GRIA1: variants seen among roughly 807,000 people sequenced by gnomAD.
GRIA1 encodes the protein glutamate receptor 1.
GRIA1 carries 31 observed loss-of-function variants against 99.2 expected under a neutral mutation model. The observed-to-expected ratio is 0.31, with a 90% CI of 0.23 to 0.42. The LOEUF is 0.42. GRIA1 is among the 10% of genes least tolerant of loss of function. GRIA1 has a pLI of 1.00. For missense variants in GRIA1, 782 were observed against 1,157.5 expected (o/e 0.68, Z 4.71); for synonymous variants, 438 against 432.4 (o/e 1.01, Z -0.16).
Position 153,711,874 on chromosome 5 carries a change from C to T in GRIA1, c.1823+5807C>T, listed in dbSNP as rs1025787406. Among the ~76,000 whole-genome samples the T allele has an allele frequency of 3.9e-5, 6 of 152,268 alleles. No individual in the cohort carries two copies. In the South Asian group the frequency reaches 1.0e-3, roughly 26 times the overall value. On this transcript the variant is annotated intron_variant, in intron 11 of 15. Coordinates refer to ENST00000285900, the MANE Select transcript of GRIA1 (RefSeq NM_000827.4). ...GGAAAATGGGAAATTATGACTTTAG[C>T]TTTCAGAATTCTCTCTTTTATTCTT...
chr5:153,618,136 A>G (rs1766692425), intron 2 of GRIA1, among the ~76,000 whole-genome samples: 1 of 152,206 alleles, frequency 6.6e-6, no homozygotes, highest in Non-Finnish European at 1.5e-5. Flanking sequence ...GAAGGTGGAA[A>G]TGGATGGGCT....
chr5:153,748,781 G>A (rs958399087), intron 11 of GRIA1, among the ~76,000 whole-genome samples: 24 of 152,138 alleles, frequency 1.6e-4, no homozygotes, highest in African/African-American at 5.3e-4. Flanking sequence ...TTCCTGAGAT[G>A]AGGAAAATGG....
At chr5:153,731,624 A>G (rs1761032770) in intron 11 of GRIA1, among the ~76,000 whole-genome samples, 1 of 152,138 alleles carries the variant, frequency 6.6e-6, no homozygotes, top group East Asian at 1.9e-4. Flanking sequence ...ACAAATAAAA[A>G]TTATATATAT....
At position 153,741,292 on chromosome 5, in the gene GRIA1, A is replaced by G. The variant is rs1761768038; in HGVS notation, c.1824-23142A>G. Among the ~76,000 whole-genome samples the G allele has an allele frequency of 2.6e-5, 4 of 152,146 alleles. No individual in the cohort carries two copies. The South Asian group carries it at 8.3e-4, about 32-fold the overall frequency. ...CCCGGCCAGAAATTAGAATTCTTAT[A>G]CACTGTGAGTGAGAATGAAAAATGG... On this transcript the variant is annotated intron_variant, in intron 11 of 15. Transcript: ENST00000285900.
intron 5 of GRIA1, among the ~76,000 whole-genome samples, chr5:153,668,135 A>T (rs1288170801): frequency 6.6e-6 from 1 of 151,716 alleles, no homozygotes; most frequent in African/African-American, 2.4e-5. Flanking sequence ...GAACAATATG[A>T]GGGGTTTGTT....
intron 14 of GRIA1, chr5:153,795,425 C>A: frequency 1.0e-6 from 1 of 970,994 alleles, no homozygotes; most frequent in Non-Finnish European, 1.6e-6. Context: ...TGCTGAATAA[C>A]ATAAAATAAC....
intron 2 of GRIA1, among the ~76,000 whole-genome samples, chr5:153,637,468 A>G (rs183314340): frequency 1.8e-4 from 28 of 152,328 alleles, no homozygotes; most frequent in Non-Finnish European, 3.4e-4. Flanking sequence ...ATACACGTTG[A>G]GTCACTCTAT....
intron 12 of GRIA1, 87 bp downstream of exon 12, chr5:153,764,719 T>G: frequency 1.0e-6 from 1 of 962,458 alleles, no homozygotes; most frequent in Non-Finnish European, 1.6e-6. Context: ...TAGCCTGAGA[T>G]AACAGGCAGC....
chr5:153,694,017 T>A (rs13188509), intron 8 of GRIA1, among the ~76,000 whole-genome samples: 14,302 of 152,244 alleles, frequency 0.094, 823 homozygotes, highest in Non-Finnish European at 0.12. Context: ...TGGCAATATT[T>A]TGTTTTATCT....
At chr5:153,766,939 C>A (rs1763557902) in intron 12 of GRIA1, among the ~76,000 whole-genome samples, 1 of 152,164 alleles carries the variant, frequency 6.6e-6, no homozygotes. Flanking sequence ...AAGTTCTGTG[C>A]CCAGGCCTAC....
chr5:153,757,985 A>G (rs1278628242), intron 11 of GRIA1, among the ~76,000 whole-genome samples: 3 of 152,136 alleles, frequency 2.0e-5, no homozygotes, highest in African/African-American at 7.2e-5. Context: ...AAAAATAACA[A>G]TAACTACAAT....
chr5:153,698,273 C>A (rs1281646553), intron 9 of GRIA1, 119 bp downstream of exon 9: 2 of 538,348 alleles, frequency 3.7e-6, no homozygotes, highest in Admixed American at 3.1e-5. Flanking sequence ...TAGATAAAAG[C>A]AGCAAGTCGA....
In GRIA1 at chr5:153,647,138, A is replaced by G; in HGVS notation, c.431A>G (p.Lys144Arg). ...ISIIDHYKWQ[K>R]FVYIYDADRG... ...ATCATTGACCATTACAAGTGGCAGA[A>G]ATTTGTCTACATTTATGATGCCGAC... The change falls in exon 3 of 16, where the codon AAA becomes AGA. Residue 144 changes from lysine (K) to arginine (R), a missense_variant. Coordinates refer to ENST00000285900, the MANE Select transcript of GRIA1 (RefSeq NM_000827.4). 1 of 1,613,870 alleles carries G rather than the reference A, an allele frequency of 6.2e-7. No individual in the cohort carries two copies. The highest frequency in any genetic ancestry group is 8.5e-7 in the Non-Finnish European group (1 of 1,179,878).
At chr5:153,590,632 G>C (rs1051086641) in intron 2 of GRIA1, among the ~76,000 whole-genome samples, 2 of 150,976 alleles carry the variant, frequency 1.3e-5, no homozygotes, top group Admixed American at 1.3e-4. Context: ...CCAATAACAG[G>C]CTTTGTGGAA....
At chr5:153,695,641 C>T (rs1193211209) in intron 8 of GRIA1, among the ~76,000 whole-genome samples, 1 of 152,228 alleles carries the variant, frequency 6.6e-6, no homozygotes, top group Non-Finnish European at 1.5e-5. Flanking sequence ...AATGATTCTT[C>T]AGTCCCCTTC....
chr5:153,645,274 T>C (rs1194834337), intron 2 of GRIA1, among the ~76,000 whole-genome samples: 1 of 152,064 alleles, frequency 6.6e-6, no homozygotes, highest in African/African-American at 2.4e-5. Context: ...TTCCTGCAGA[T>C]GGTATGCTGG....
At chr5:153,624,133 C>G (rs995374730) in intron 2 of GRIA1, among the ~76,000 whole-genome samples, 7 of 152,200 alleles carry the variant, frequency 4.6e-5, no homozygotes, top group Admixed American at 6.5e-5. Flanking sequence ...GTAATAAGCA[C>G]TCTTTACTCT....
chr5:153,500,082 G>A (rs1375074575), intron 2 of GRIA1, among the ~76,000 whole-genome samples: 2 of 152,178 alleles, frequency 1.3e-5, no homozygotes, highest in Non-Finnish European at 2.9e-5. Context: ...TTTGTCTGTG[G>A]TTGACTCTTG....
chr5:153,717,892 A>G (rs1759777976), intron 11 of GRIA1, among the ~76,000 whole-genome samples: 2 of 152,218 alleles, frequency 1.3e-5, no homozygotes, highest in Admixed American at 6.5e-5. Context: ...AGCAGGTAGA[A>G]GAGGCTGTTA....
Sources: gnomAD v4.1 joint callset for allele counts (sites outside exome capture counted in the v4.1 genomes callset) on GRCh38, gnomAD v4.1.1 for gene constraint, MANE v1.5 for transcripts, NCBI Gene and HGNC (gene_info 2026-07-23, HGNC 2026-07-21) for gene names.